Variants in GPR158 observed in about 807,000 individuals in gnomAD.
The protein encoded by GPR158 is G protein-coupled receptor 158.
Under a neutral mutation model 78.2 loss-of-function variants are expected in GPR158, and 30 were observed. That is an observed-to-expected ratio of 0.38 (90% CI 0.29 to 0.52). The LOEUF (loss-of-function observed/expected upper bound fraction) is 0.52. Ranked by LOEUF, GPR158 falls within the 20% of genes least tolerant of loss-of-function variation. GPR158 has a pLI of 0.83. For missense variants in GPR158, 1,463 were observed against 1,523.5 expected (o/e 0.96, Z 0.66); for synonymous variants, 581 against 591.1 (o/e 0.98, Z 0.25).
At chr10:25,544,863 C>T (rs919748248) in intron 5 of GPR158, among the ~76,000 whole-genome samples, 2 of 152,162 alleles carry the variant, frequency 1.3e-5, no homozygotes, top group African/African-American at 2.4e-5. Flanking sequence ...CTGCTACCCC[C>T]CAACCCCTGA....
At chr10:25,355,200 T>C (rs1244933637) in intron 2 of GPR158, among the ~76,000 whole-genome samples, 1 of 126,128 alleles carries the variant, frequency 7.9e-6, no homozygotes, top group East Asian at 2.0e-4. Flanking sequence ...CATTGGTCTT[T>C]AGGTAATCTT....
chr10:25,460,388 G>C (rs1835342634), intron 4 of GPR158, among the ~76,000 whole-genome samples: 1 of 152,004 alleles, frequency 6.6e-6, no homozygotes, highest in Non-Finnish European at 1.5e-5. Context: ...TTTTAGTAGA[G>C]ATGGGGTTTC....
At chr10:25,522,518 G>A (rs1564478969) in intron 5 of GPR158, among the ~76,000 whole-genome samples, 1 of 152,114 alleles carries the variant, frequency 6.6e-6, no homozygotes, top group African/African-American at 2.4e-5. Flanking sequence ...GATGTTGGGG[G>A]GAAATGACTA....
intron 4 of GPR158, among the ~76,000 whole-genome samples, chr10:25,464,483 G>A (rs1158440916): frequency 1.3e-5 from 2 of 152,094 alleles, no homozygotes. Flanking sequence ...TGAAGAATAC[G>A]TATCTACTTA....
rs142352045 is a variant in GPR158, at chr10:25,265,709, C to A, written c.1008+44552C>A. 6.0e-4 allele frequency among the ~76,000 whole-genome samples: 92 copies of A among 152,242 alleles called. No individual in the cohort carries two copies. In the East Asian group the frequency reaches 0.016, roughly 26 times the overall value. On this transcript the variant is annotated intron_variant, in intron 2 of 10. Transcript: ENST00000376351. ...TCAGTTGGCTACAAGGCAGAGGGAA[C>A]AGGTACGAAAACTGGGATTCTGCCA...
At chr10:25,561,596 C>A (rs10764560) in intron 6 of GPR158, among the ~76,000 whole-genome samples, 2 of 152,070 alleles carry the variant, frequency 1.3e-5, no homozygotes, top group East Asian at 3.9e-4. Context: ...CCAAACTTTT[C>A]AAAACTAAAC....
intron 5 of GPR158, among the ~76,000 whole-genome samples, chr10:25,467,990 C>T (rs1409170497): frequency 6.6e-6 from 1 of 151,958 alleles, no homozygotes; most frequent in African/African-American, 2.4e-5. Context: ...GATATGAATT[C>T]TGCCTAATGG....
intron 2 of GPR158, among the ~76,000 whole-genome samples, chr10:25,274,011 TCTCTG>T (rs1417445456): frequency 1.3e-5 from 2 of 152,184 alleles, no homozygotes; most frequent in Non-Finnish European, 2.9e-5. Flanking sequence ...ACATGGTTTT[TCTCTG>T]CTCCGTGTGG....
chr10:25,398,204 C>A (rs571346081), intron 3 of GPR158, among the ~76,000 whole-genome samples: 1 of 152,170 alleles, frequency 6.6e-6, no homozygotes, highest in African/African-American at 2.4e-5. Context: ...GCCAAGACTT[C>A]TATTCAATAG....
intron 4 of GPR158, among the ~76,000 whole-genome samples, chr10:25,420,867 T>G (rs7476292): frequency 0.76 from 116,018 of 152,036 alleles, 45,121 homozygotes; most frequent in Non-Finnish European, 0.81. Flanking sequence ...GATTACTATA[T>G]CTTTGTAGTA....
intron 2 of GPR158, among the ~76,000 whole-genome samples, chr10:25,280,738 TGTAC>T (rs1216665641): frequency 1.4e-4 from 21 of 147,018 alleles, no homozygotes; most frequent in African/African-American, 4.4e-4. Flanking sequence ...TATGTATGTA[TGTAC>T]GTACGTACAT....
intron 5 of GPR158, 72 bp downstream of exon 5, chr10:25,466,791 C>CAT (rs750575959): frequency 1.6e-6 from 1 of 644,640 alleles, no homozygotes; most frequent in Non-Finnish European, 2.6e-6. Context: ...ACTGTTTACA[C>CAT]ACACACACAC....
rs1008996289 is a variant in GPR158, at chr10:25,176,670, G to T, written c.902+348G>T. On this transcript the variant is annotated intron_variant, in intron 1 of 10. Coordinates refer to ENST00000376351, the MANE Select transcript of GPR158 (RefSeq NM_020752.3). The surrounding 1 kb of genome is among the most constrained non-coding windows in gnomAD (Gnocchi z 6.3). ...AGCAGGGAGGGGCGTTCCCCACCGG[G>T]GGGCGATGCGACAACTTGGCGAGCG... is the stretch of plus-strand genomic sequence containing the variant. Among the ~76,000 whole-genome samples the T allele has an allele frequency of 1.8e-4, 27 of 152,244 alleles. No individual in the cohort carries two copies. Among genetic ancestry groups the T allele is most frequent in the African/African-American group, 6.3e-4 (26 of 41,476 alleles).
intron 2 of GPR158, among the ~76,000 whole-genome samples, chr10:25,274,761 C>G (rs77642521): frequency 0.012 from 1,819 of 152,156 alleles, 38 homozygotes; most frequent in African/African-American, 0.042. Flanking sequence ...TTCTAACAAG[C>G]GTTAAAAAAA....
intron 5 of GPR158, among the ~76,000 whole-genome samples, chr10:25,507,261 C>T (rs565689883): frequency 1.7e-4 from 26 of 152,248 alleles, no homozygotes; most frequent in African/African-American, 6.3e-4. Flanking sequence ...TCATTTATTG[C>T]CTGCATGGAA....
intron 4 of GPR158, among the ~76,000 whole-genome samples, chr10:25,442,575 T>C (rs1463808182): frequency 6.6e-6 from 1 of 151,940 alleles, no homozygotes; most frequent in African/African-American, 2.4e-5. Context: ...AGTATATTAA[T>C]ACGTCAGTAT....
intron 6 of GPR158, among the ~76,000 whole-genome samples, chr10:25,556,635 C>T (rs555092008): frequency 2.0e-5 from 3 of 152,284 alleles, no homozygotes; most frequent in South Asian, 2.1e-4. Flanking sequence ...CATTCTTAAG[C>T]TTCTGAGGAA....
intron 5 of GPR158, among the ~76,000 whole-genome samples, chr10:25,531,760 C>A (rs946988859): frequency 1.1e-4 from 16 of 152,180 alleles, no homozygotes; most frequent in Admixed American, 9.8e-4. Flanking sequence ...ATAATTATAC[C>A]ACTTTAGTTG....
rs755239724 is a variant in GPR158, at chr10:25,497,188, C to T, written c.1404+30469C>T. ...AGGCTGAGGAATTTTGATTGTATAA[C>T]GGAAGCTAATGTTTCCCAAATTGGA... On this transcript the variant is annotated intron_variant, in intron 5 of 10. Coordinates refer to ENST00000376351, the MANE Select transcript of GPR158 (RefSeq NM_020752.3). 4.6e-5 allele frequency among the ~76,000 whole-genome samples: 7 copies of T among 152,116 alleles called. No individual in the cohort carries two copies. The South Asian group carries it at 6.2e-4, about 14-fold the overall frequency.
Sources: gnomAD v4.1 joint callset for allele counts (sites outside exome capture counted in the v4.1 genomes callset) on GRCh38, gnomAD v4.1.1 for gene constraint, Gnocchi (gnomAD v3.1) non-coding constraint, MANE v1.5 for transcripts, NCBI Gene and HGNC (gene_info 2026-07-23, HGNC 2026-07-21) for gene names.